PLEKHG2: variants seen among roughly 807,000 people sequenced by gnomAD.
The protein encoded by PLEKHG2 is pleckstrin homology domain-containing family G member 2.
A neutral mutation model predicts 104.4 loss-of-function variants in PLEKHG2; 71 were observed. The observed-to-expected ratio is 0.68, with a 90% CI of 0.56 to 0.83. PLEKHG2 has a LOEUF of 0.83. Ranked by LOEUF, PLEKHG2 falls within the 40% of genes least tolerant of loss-of-function variation. The pLI is 0.00. For synonymous variants in PLEKHG2, 728 were observed against 737.0 expected (o/e 0.99, Z 0.20); for missense variants, 1,730 against 1,809.4 (o/e 0.96, Z 0.80).
At chr19:39,419,050 C>T in intron 11 of PLEKHG2, 47 bp downstream of exon 11, 2 of 1,527,316 alleles carry the variant, frequency 1.3e-6, no homozygotes, top group African/African-American at 1.4e-5. Context: ...CTGGAGACAC[C>T]CTCCCCCAAT....
Position 39,416,432 on chromosome 19 carries a change from G to A in PLEKHG2, c.546+18G>A, listed in dbSNP as rs557530427. 1.6e-4 allele frequency: 259 copies of A among 1,613,014 alleles called. 1 individual carries two copies. In the South Asian group the frequency reaches 2.6e-3, roughly 16 times the overall value. On this transcript the variant is annotated intron_variant, in intron 5 of 18. Transcript: ENST00000425673. This position sits in a 1 kb window ranked among gnomAD's most constrained non-coding sequence, Gnocchi z 4.5. ...TGCAGAGGGTGAGTGGAGGGGTGGG[G>A]GGCTCTCGGTCCTGGATGGGGCCTT...
In PLEKHG2 at chr19:39,424,762, C is replaced by T. The variant is rs1194504291; in HGVS notation, c.3629C>T (p.Ala1210Val). The change falls in exon 19 of 19, where the codon GCT (alanine) becomes GTT (valine). Residue 1210 changes from alanine to valine, a missense_variant. Physicochemically the swap from Ala to Val is moderately conservative, Grantham distance 64. Transcript: ENST00000425673. ...QKSLIDAHVPAATPLPERGGS... is the reference protein window; with the variant it reads ...QKSLIDAHVPVATPLPERGGS... ...AGCCTCATAGATGCCCATGTTCCAG[C>T]TGCCACACCTTTACCTGAGAGAGGA... 6 of 1,614,114 alleles carry T rather than the reference C, an allele frequency of 3.7e-6. No homozygotes were observed. The Admixed American group carries it at 5.0e-5, about 13-fold the overall frequency.
rs1249759825 is a variant in PLEKHG2, at chr19:39,415,821, T to C, written c.479+382T>C. Among the ~76,000 whole-genome samples, 1 of 152,074 alleles carries C rather than the reference T, an allele frequency of 6.6e-6. No homozygotes were observed. The highest frequency in any genetic ancestry group is 2.4e-5 in the African/African-American group (1 of 41,390). On this transcript the variant is annotated intron_variant, in intron 4 of 18. Coordinates refer to ENST00000425673, the MANE Select transcript of PLEKHG2 (RefSeq NM_022835.3). The surrounding 1 kb of genome is among the most constrained non-coding windows in gnomAD (Gnocchi z 4.6). ...GTGTCAGGTCTGGGCTCACGATGAA[T>C]CCAAGAATCATATGGGGCCTGAAGG...
chr19:39,422,069 G>C (rs1332803749), intron 16 of PLEKHG2, 46 bp from the exon 17 acceptor site: 1 of 1,556,974 alleles, frequency 6.4e-7, no homozygotes, highest in Admixed American at 2.0e-5. Flanking sequence ...CTCTATGTGA[G>C]GGAGGAGTCT....
chr19:39,415,331 C>T lies in PLEKHG2; in HGVS notation c.379-8C>T. 6.2e-7 allele frequency: 1 copy of T among 1,613,326 alleles called. No individual in the cohort carries two copies. Among genetic ancestry groups the T allele is most frequent in the Non-Finnish European group, 8.5e-7 (1 of 1,179,518 alleles). ...CCTTGGCCCCCATAACCCCAGTCAT[C>T]CCAACAGGACTACCTGGGCCCTCTG... On this transcript the variant is annotated splice_region_variant and splice_polypyrimidine_tract_variant and intron_variant, in intron 3 of 18. Transcript: ENST00000425673. This position sits in a 1 kb window ranked among gnomAD's most constrained non-coding sequence, Gnocchi z 4.6.
In PLEKHG2 at chr19:39,423,190, G is replaced by C. The variant is rs750050786; in HGVS notation, c.2136G>C (p.Leu712=). The change falls in exon 18 of 19, where the codon CTG becomes CTC. Residue 712 remains leucine, a synonymous_variant. Coordinates refer to ENST00000425673, the MANE Select transcript of PLEKHG2 (RefSeq NM_022835.3). ...PAEAPATRRE[L]FSGSNPGKLG... is the part of the protein sequence containing the mutation. ...AGGCTCCAGCCACCAGGAGAGAACT[G>C]TTTTCTGGGAGCAATCCTGGGAAAC... The C allele has an allele frequency of 2.5e-6, 4 of 1,612,672 alleles. No individual in the cohort carries two copies. Among genetic ancestry groups the C allele is most frequent in the Non-Finnish European group, 3.4e-6 (4 of 1,179,036 alleles).
chr19:39,421,755 A>C (rs907081346), intron 16 of PLEKHG2: 1 of 221,854 alleles, frequency 4.5e-6, no homozygotes, highest in African/African-American at 2.3e-5. Flanking sequence ...ACGGTGGCTC[A>C]CCTGTAATCC....
In PLEKHG2 at chr19:39,420,793, C is replaced by T; in HGVS notation, c.1340C>T (p.Pro447Leu). The T allele has an allele frequency of 3.7e-6, 6 of 1,614,206 alleles. No individual in the cohort carries two copies. The highest frequency in any genetic ancestry group is 5.1e-6 in the Non-Finnish European group (6 of 1,180,036). ...CCTGTCCTAGAGCCCCTGACACCCCCACTTGGGTCTCCTCGACCTCGAGAT... is the reference window on the plus strand; with the variant it reads ...CCTGTCCTAGAGCCCCTGACACCCCTACTTGGGTCTCCTCGACCTCGAGAT... Reference protein sequence around the residue: ...SKPVLEPLTPPLGSPRPRDAR... With the variant: ...SKPVLEPLTPLLGSPRPRDAR... The change falls in exon 13 of 19, where the codon CCA becomes CTA. Residue 447 changes from proline to leucine, a missense_variant. Coordinates refer to ENST00000425673, the MANE Select transcript of PLEKHG2 (RefSeq NM_022835.3).
chr19:39,424,950 A>C lies in PLEKHG2; in HGVS notation c.3817A>C (p.Asn1273His). The C allele has an allele frequency of 6.2e-7, 1 of 1,614,106 alleles. No homozygotes were observed. The highest frequency in any genetic ancestry group is 8.5e-7 in the Non-Finnish European group (1 of 1,180,008). Residue 1273 changes from asparagine (N) to histidine (H), a missense_variant, in exon 19 of 19, where the codon AAT (asparagine) becomes CAT (histidine). Coordinates refer to ENST00000425673, the MANE Select transcript of PLEKHG2 (RefSeq NM_022835.3). ...PPSSRQLLGP[N>H]AAALSRYLAA... ...TTCCAGCCGTCAGCTCCTGGGCCCC[A>C]ATGCAGCTGCCCTCTCCAGATACCT...
intron 8 of PLEKHG2, 64 bp downstream of exon 8, chr19:39,417,756 T>TGGGGGGGGGCCTGGGGGGGGGG: frequency 2.9e-6 from 1 of 343,326 alleles, no homozygotes; most frequent in African/African-American, 4.0e-5. Flanking sequence ...TTGGGGCGGG[T>TGGGGGGGGGCCTGGGGGGGGGG]GGGGGGAAAT....
intron 2 of PLEKHG2, among the ~76,000 whole-genome samples, chr19:39,414,448 G>A (rs570571286): frequency 1.3e-5 from 2 of 152,346 alleles, no homozygotes; most frequent in African/African-American, 4.8e-5. Context: ...CATCTCAACT[G>A]GGAAGTGGAA....
chr19:39,424,933 G>C lies in PLEKHG2; in HGVS notation c.3800G>C (p.Arg1267Pro). 2 of 1,614,178 alleles carry C rather than the reference G, an allele frequency of 1.2e-6. No individual in the cohort carries two copies. Among genetic ancestry groups the C allele is most frequent in the Non-Finnish European group, 1.7e-6 (2 of 1,180,036 alleles). Residue 1267 changes from arginine to proline, a missense_variant, in exon 19 of 19, where the codon CGT (arginine) becomes CCT (proline). By Grantham distance (103) the Arg-to-Pro change is moderately radical (BLOSUM62 -2). Transcript: ENST00000425673. The stretch of plus-strand genomic sequence containing the variant: ...CCTCATAGTCCCCCACCTTCCAGCC[G>C]TCAGCTCCTGGGCCCCAATGCAGCT... ...TPPHSPPPSS[R>P]QLLGPNAAAL...
At position 39,422,124 on chromosome 19, in the gene PLEKHG2, A is replaced by G; in HGVS notation, c.1513A>G (p.Ser505Gly). 5.6e-6 allele frequency: 9 copies of G among 1,608,930 alleles called. No homozygotes were observed. The highest frequency in any genetic ancestry group is 7.6e-6 in the Non-Finnish European group (9 of 1,177,866). The change falls in exon 17 of 19, where the codon AGC becomes GGC. Residue 505 changes from serine (S) to glycine (G), a missense_variant. Ser to Gly is a moderately conservative substitution (Grantham distance 56). Coordinates refer to ENST00000425673, the MANE Select transcript of PLEKHG2 (RefSeq NM_022835.3). ...CTTTCCCTCCTCACAGCACGCTGGC[A>G]GCGAAGGGGAACTCTACCCTCCAGA... ...NAKPGFKHAG[S>G]EGELYPPESQ...
rs771432098 is a variant in PLEKHG2, at chr19:39,425,342, TAGA to T, written c.*49_*51del. 1.3e-6 allele frequency: 2 copies of T among 1,567,154 alleles called. No homozygotes were observed. Among genetic ancestry groups the T allele is most frequent in the South Asian group, 2.4e-5 (2 of 84,816 alleles). On this transcript the variant is annotated 3_prime_UTR_variant, in exon 19 of 19. Coordinates refer to ENST00000425673, the MANE Select transcript of PLEKHG2 (RefSeq NM_022835.3). ...AAGCAAGGATTTCAGCCAGATGCCA[TAGA>T]CCCTCAGAACTTGACCTGGAAGTCC...
At chr19:39,420,501 C>A in intron 11 of PLEKHG2, 125 bp from the exon 12 acceptor site, 2 of 1,189,774 alleles carry the variant, frequency 1.7e-6, no homozygotes, top group Admixed American at 1.8e-5. Flanking sequence ...TCCAACCTGG[C>A]GTATAGAGCA....
Position 39,415,181 on chromosome 19 carries a change from C to A in PLEKHG2, c.299C>A (p.Pro100His). The change falls in exon 3 of 19, where the codon CCC becomes CAC. Residue 100 changes from proline to histidine, a missense_variant. By Grantham distance (77) the Pro-to-His change is moderately conservative. Transcript: ENST00000425673. The surrounding 1 kb of genome is among the most constrained non-coding windows in gnomAD (Gnocchi z 4.6). ...SPVGIPGSAR[P>H]SRLERVAREI... ...GTGGGGATCCCAGGTTCAGCCAGAC[C>A]CTCAAGGCTGGAGCGTGTGGCCCGG... is the stretch of plus-strand genomic sequence containing the variant. 1 of 1,593,904 alleles carries A rather than the reference C, an allele frequency of 6.3e-7. No homozygotes were observed. The highest frequency in any genetic ancestry group is 8.6e-7 in the Non-Finnish European group (1 of 1,169,528).
Position 39,418,017 on chromosome 19 carries a change from G to C in PLEKHG2, c.995G>C (p.Gly332Ala). The C allele has an allele frequency of 6.4e-7, 1 of 1,562,362 alleles. No individual in the cohort carries two copies. Among genetic ancestry groups the C allele is most frequent in the South Asian group, 1.2e-5 (1 of 83,836 alleles). ...GGGGGGPRLR[G>A]GERLLFLFSR... ...GGAGGGGGTGGCCCCCGGCTACGAG[G>C]GGGTGAGCGGCTGCTCTTCCTGTTC... is the stretch of plus-strand genomic sequence containing the variant. Residue 332 changes from glycine (G) to alanine (A), a missense_variant, in exon 9 of 19, where the codon GGG becomes GCG. Gly to Ala is a moderately conservative substitution (Grantham distance 60, BLOSUM62 0). Coordinates refer to ENST00000425673, the MANE Select transcript of PLEKHG2 (RefSeq NM_022835.3).
Position 39,425,022 on chromosome 19 carries a change from G to A in PLEKHG2, c.3889G>A (p.Gly1297Arg). ...GAGCCTGGCTCGGCGGCAGGGGCCT[G>A]GGGGAGGGGCCCCCGCAGCCTCCCG... ...SQSLARRQGP[G>R]GGAPAASRGS... is the part of the protein sequence containing the mutation. Residue 1297 changes from glycine (G) to arginine (R), a missense_variant, in exon 19 of 19, where the codon GGG (glycine) becomes AGG (arginine). Physicochemically the swap from Gly to Arg is moderately radical, Grantham distance 125. Coordinates refer to ENST00000425673, the MANE Select transcript of PLEKHG2 (RefSeq NM_022835.3). 1.9e-6 allele frequency: 3 copies of A among 1,603,270 alleles called. No homozygotes were observed. Among genetic ancestry groups the A allele is most frequent in the South Asian group, 2.2e-5 (2 of 90,346 alleles).
At chr19:39,421,208 T>C in intron 15 of PLEKHG2, 75 bp from the exon 16 acceptor site, 1 of 1,612,508 alleles carries the variant, frequency 6.2e-7, no homozygotes, top group Non-Finnish European at 8.5e-7. Context: ...CTTCAGCTCA[T>C]CAGTTATGGG....
Sources: gnomAD v4.1 joint callset for allele counts (sites outside exome capture counted in the v4.1 genomes callset) on GRCh38, gnomAD v4.1.1 for gene constraint, Gnocchi (gnomAD v3.1) non-coding constraint, MANE v1.5 for transcripts, NCBI Gene and HGNC (gene_info 2026-07-23, HGNC 2026-07-21) for gene names.